The following MTMR9 variants were observed in gnomAD, a reference collection of about 807,000 sequenced individuals.
MTMR9 encodes the protein myotubularin-related protein 9.
In MTMR9, 39 loss-of-function variants were observed where a neutral mutation model predicts 69.5. That is an observed-to-expected ratio of 0.56 (90% CI 0.43 to 0.73). MTMR9 has a LOEUF of 0.73. Ranked by LOEUF, MTMR9 falls within the 30% of genes least tolerant of loss-of-function variation. The pLI is 0.00. For synonymous variants in MTMR9, 354 were observed against 240.8 expected, an observed-to-expected ratio of 1.47 and a Z score of -4.35; for missense variants, 900 against 671.2, an observed-to-expected ratio of 1.34 and a Z score of -3.77.
rs759160960 is a variant in MTMR9, at chr8:11,322,809, G to T, written c.*21G>T. The stretch of plus-strand genomic sequence containing the variant: ...CCTGAAAGGTCTCCTCGCACCCTTC[G>T]CAAGGACCTTCTTGGGCCTGTGTCC... On this transcript the variant is annotated 3_prime_UTR_variant, in exon 10 of 10. Transcript: ENST00000221086. 31 of 1,601,560 alleles carry T rather than the reference G, an allele frequency of 1.9e-5. No homozygotes were observed. The highest frequency in any genetic ancestry group is 2.7e-5 in the African/African-American group (2 of 74,362).
intron 4 of MTMR9, among the ~76,000 whole-genome samples, chr8:11,305,937 C>T (rs1466558629): frequency 6.6e-6 from 1 of 152,116 alleles, no homozygotes; most frequent in African/African-American, 2.4e-5. Context: ...AATATTTGAT[C>T]TTAAAGAGGA....
chr8:11,294,604 C>T (rs910633995), intron 1 of MTMR9, among the ~76,000 whole-genome samples: 13 of 149,968 alleles, frequency 8.7e-5, no homozygotes, highest in South Asian at 8.4e-4. Context: ...CGGGTTCAAG[C>T]GATTCTCTTG....
chr8:11,334,549 T>C, the MTMR9 span, among the ~76,000 whole-genome samples: 1 of 150,496 alleles, frequency 6.6e-6, no homozygotes, highest in Non-Finnish European at 1.5e-5. Context: ...TCAAAAGATA[T>C]CACTACCAAA....
At chr8:11,331,711 C>A (rs532149058), downstream of MTMR9, 2 of 1,611,944 alleles carry the variant, frequency 1.2e-6, no homozygotes, top group Non-Finnish European at 1.7e-6. Context: ...GGAGGCCTGG[C>A]GCTGTCCCTG....
At chr8:11,317,574 C>G (rs1360611288) in intron 8 of MTMR9, 1 of 152,132 alleles carries the variant, frequency 6.6e-6, no homozygotes, top group Non-Finnish European at 1.5e-5. Context: ...TCACCTCCTG[C>G]TGTGTGGCCA....
At chr8:11,329,132 ATATGTC>A (rs1281312376), downstream of MTMR9, among the ~76,000 whole-genome samples, 1 of 152,156 alleles carries the variant, frequency 6.6e-6, no homozygotes, top group African/African-American at 2.4e-5. Context: ...CCATTGGTGT[ATATGTC>A]TGTGTTAATC....
chr8:11,297,207 G>A (rs1296791319), intron 2 of MTMR9, among the ~76,000 whole-genome samples: 1 of 152,194 alleles, frequency 6.6e-6, no homozygotes, highest in Non-Finnish European at 1.5e-5. Context: ...AAATCTAGAA[G>A]TAGGATTTTA....
Position 11,313,332 on chromosome 8 carries a change from C to G in MTMR9, c.972-1591C>G, listed in dbSNP as rs60245031. Among the ~76,000 whole-genome samples the G allele has an allele frequency of 5.3e-3, 802 of 152,316 alleles. 6 individuals carry two copies. Among genetic ancestry groups the G allele is most frequent in the African/African-American group, 0.018 (769 of 41,572 alleles). ...GAAATATTGCAGCTGGTTTGATCTT[C>G]TATCCAGACCACTCGAACTTTGTCC... On this transcript the variant is annotated intron_variant, in intron 6 of 9. Transcript: ENST00000221086.
chr8:11,321,385 T>G, intron 9 of MTMR9: 1 of 456,308 alleles, frequency 2.2e-6, no homozygotes, highest in South Asian at 1.5e-5. Context: ...GACAATGTAC[T>G]TAAAGCCACT....
chr8:11,285,960 TTTTTTTTTTTG>T (rs1300764663), intron 1 of MTMR9, among the ~76,000 whole-genome samples: 3 of 141,678 alleles, frequency 2.1e-5, no homozygotes, highest in South Asian at 2.3e-4. Context: ...TTTTTTTTTT[TTTTTTTTTTTG>T]GAGACGAAAT....
At chr8:11,331,836 C>T (rs1384454107), downstream of MTMR9, 3 of 1,611,882 alleles carry the variant, frequency 1.9e-6, no homozygotes, top group South Asian at 3.3e-5. Context: ...GCTGCAGACC[C>T]CCGTGTTGCC....
intron 3 of MTMR9, among the ~76,000 whole-genome samples, chr8:11,302,038 C>G (rs1201849094): frequency 6.6e-6 from 1 of 151,950 alleles, no homozygotes; most frequent in Non-Finnish European, 1.5e-5. Context: ...AGGCAGGTCA[C>G]TTGAGCTCAG....
chr8:11,290,415 G>C (rs188862922), intron 1 of MTMR9, among the ~76,000 whole-genome samples: 2 of 151,946 alleles, frequency 1.3e-5, no homozygotes, highest in African/African-American at 4.8e-5. Flanking sequence ...CCCATCTGTT[G>C]TTTTTTTCTG....
chr8:11,285,227 C>A, intron 1 of MTMR9, 157 bp downstream of exon 1: 1 of 686,884 alleles, frequency 1.5e-6, no homozygotes, highest in Non-Finnish European at 2.3e-6. Context: ...AAGCTGAAAC[C>A]CGTCCAGATG....
chr8:11,292,852 C>A (rs1043220998), intron 1 of MTMR9, among the ~76,000 whole-genome samples: 1 of 152,170 alleles, frequency 6.6e-6, no homozygotes, highest in Non-Finnish European at 1.5e-5. Flanking sequence ...AAACAACAAA[C>A]CTGGGCTGCC....
At chr8:11,317,627 G>T (rs901804707) in intron 8 of MTMR9, 1 of 152,180 alleles carries the variant, frequency 6.6e-6, no homozygotes, top group Non-Finnish European at 1.5e-5. Context: ...ATGGCCTGGG[G>T]TTTGGGGATC....
downstream of MTMR9, chr8:11,332,042 G>A (rs1361034844): frequency 1.2e-6 from 2 of 1,611,942 alleles, no homozygotes; most frequent in African/African-American, 1.3e-5. Flanking sequence ...ACATCATGGG[G>A]GCAGGGGTTG....
At chr8:11,333,528 A>G in the MTMR9 span, among the ~76,000 whole-genome samples, 1 of 152,246 alleles carries the variant, frequency 6.6e-6, no homozygotes, top group Non-Finnish European at 1.5e-5. Flanking sequence ...GTGAGATGAA[A>G]GAACACTAGA....
intron 8 of MTMR9, chr8:11,318,695 G>C (rs925220448): frequency 3.9e-5 from 6 of 152,150 alleles, no homozygotes; most frequent in Non-Finnish European, 7.3e-5. Context: ...GAGTGTTCCA[G>C]AGTTTTAGAA....
Sources: gnomAD v4.1 joint callset for allele counts (sites outside exome capture counted in the v4.1 genomes callset) on GRCh38, gnomAD v4.1.1 for gene constraint, MANE v1.5 for transcripts, NCBI Gene and HGNC (gene_info 2026-07-23, HGNC 2026-07-21) for gene names.